IQSEC1: variants seen among roughly 807,000 people sequenced by gnomAD.
IQSEC1 encodes the protein IQ motif and SEC7 domain-containing protein 1.
In IQSEC1, 31 loss-of-function variants were observed where a neutral mutation model predicts 91.0. That is an observed-to-expected ratio of 0.34 (90% CI 0.26 to 0.46). IQSEC1 has a LOEUF of 0.46. IQSEC1 is among the 20% of genes least tolerant of loss of function. The probability of loss-of-function intolerance (pLI) is 1.00; values close to 1 mark genes in which losing one functional copy is unlikely to be tolerated. For missense variants in IQSEC1, 1,388 were observed against 1,575.6 expected, an observed-to-expected ratio of 0.88 and a Z score of 2.02; for synonymous variants, 699 against 662.6, an observed-to-expected ratio of 1.05 and a Z score of -0.84.
intron 3 of IQSEC1, among the ~76,000 whole-genome samples, chr3:12,928,683 T>C (rs1697376761): frequency 6.6e-6 from 1 of 152,244 alleles, no homozygotes; most frequent in Non-Finnish European, 1.5e-5. Flanking sequence ...GAATTCTCCA[T>C]CCACCTGTGC....
At chr3:12,902,649 A>G in intron 13 of IQSEC1, 124 bp downstream of exon 13, 1 of 610,972 alleles carries the variant, frequency 1.6e-6, no homozygotes, top group Non-Finnish European at 2.8e-6. Flanking sequence ...AAGCCAAAAA[A>G]AAAAACAACA....
chr3:13,011,005 G>A (rs1003632101), intron 1 of IQSEC1, among the ~76,000 whole-genome samples: 1 of 152,172 alleles, frequency 6.6e-6, no homozygotes, highest in Non-Finnish European at 1.5e-5. Flanking sequence ...CCACCACTCT[G>A]AGTGTCAGTG....
intron 1 of IQSEC1, among the ~76,000 whole-genome samples, chr3:13,270,239 G>A (rs1407763935): frequency 6.6e-6 from 1 of 152,182 alleles, no homozygotes; most frequent in East Asian, 1.9e-4. Flanking sequence ...ATAATAAAAT[G>A]GTGGTTGTTT....
At chr3:12,956,346 G>A (rs1311809872) in intron 1 of IQSEC1, among the ~76,000 whole-genome samples, 1 of 152,190 alleles carries the variant, frequency 6.6e-6, no homozygotes, top group African/African-American at 2.4e-5. Context: ...ACCTAATTTA[G>A]AACACCAATT....
chr3:13,101,166 C>G (rs186289519), intron 2 of IQSEC1, among the ~76,000 whole-genome samples: 1 of 152,178 alleles, frequency 6.6e-6, no homozygotes, highest in Non-Finnish European at 1.5e-5. Flanking sequence ...GACAGTGACA[C>G]GATGCGACTT....
chr3:13,207,536 C>A lies in IQSEC1; in HGVS notation c.273-43403G>T, dbSNP rs751132825. On this transcript the variant is annotated intron_variant, in intron 1 of 15. Coordinates refer to the IQSEC1 transcript ENST00000648114. This position sits in a 1 kb window ranked among gnomAD's most constrained non-coding sequence, Gnocchi z 4.8. ...TGCCAACGTGCCAGTGGGTTCCCTT[C>A]GTACTCCACGCCAGTTCCCATTCGC... 7.9e-5 allele frequency among the ~76,000 whole-genome samples: 12 copies of A among 152,178 alleles called. No individual in the cohort carries two copies. The highest frequency in any genetic ancestry group is 1.6e-4 in the Non-Finnish European group (11 of 68,038).
intron 1 of IQSEC1, among the ~76,000 whole-genome samples, chr3:13,263,465 G>GGGGGGGGGAA (rs1695429760): frequency 8.0e-6 from 1 of 125,246 alleles, no homozygotes; most frequent in Non-Finnish European, 1.7e-5. Flanking sequence ...TTTTTTTTTT[G>GGGGGGGGGAA]AGAGTCATGC....
intron 1 of IQSEC1, chr3:12,986,977 C>T (rs1701768577): frequency 2.3e-6 from 1 of 439,526 alleles, no homozygotes. Context: ...TTACCTTGGT[C>T]CAGTGCTGTG....
chr3:12,900,752 C>G lies in IQSEC1; in HGVS notation c.*231G>C, dbSNP rs1442768491. On this transcript the variant is annotated 3_prime_UTR_variant, in exon 14 of 14. Coordinates refer to ENST00000613206, the MANE Select transcript of IQSEC1 (RefSeq NM_001134382.3). ...GATGGTGTCTGAGGCCCACCCATCC[C>G]TCAGACTGAGGTGAGCAGAGCCCAG... 10 of 1,424,756 alleles carry G rather than the reference C, an allele frequency of 7.0e-6. No individual in the cohort carries two copies. Among genetic ancestry groups the G allele is most frequent in the Non-Finnish European group, 9.1e-6 (10 of 1,093,458 alleles). The allele number at this position is 1,424,756 out of a possible 1,614,324, so 88.3% of individuals were successfully genotyped here.
chr3:13,107,985 C>T (rs990275914), intron 2 of IQSEC1, among the ~76,000 whole-genome samples: 1 of 152,182 alleles, frequency 6.6e-6, no homozygotes, highest in African/African-American at 2.4e-5. Context: ...TGCTGCCACT[C>T]GTATCTTATG....
intron 1 of IQSEC1, among the ~76,000 whole-genome samples, chr3:13,005,272 G>T (rs539150412): frequency 3.3e-5 from 5 of 152,176 alleles, no homozygotes; most frequent in Non-Finnish European, 1.5e-5. Flanking sequence ...TTCACGGTGT[G>T]GGGGAAGGAT....
intron 1 of IQSEC1, among the ~76,000 whole-genome samples, chr3:12,946,537 C>T (rs1699194929): frequency 6.6e-6 from 1 of 152,174 alleles, no homozygotes. Flanking sequence ...AGGATGTCCA[C>T]AGCAGTGTTG....
intron 2 of IQSEC1, among the ~76,000 whole-genome samples, chr3:13,137,369 G>A (rs771194631): frequency 1.3e-5 from 2 of 152,206 alleles, no homozygotes; most frequent in Non-Finnish European, 2.9e-5. Context: ...AACTATGGCT[G>A]CACACAATAG....
intron 1 of IQSEC1, among the ~76,000 whole-genome samples, chr3:13,219,527 G>A (rs1477581661): frequency 2.0e-5 from 3 of 152,236 alleles, no homozygotes; most frequent in Non-Finnish European, 4.4e-5. Context: ...GCACCTCGCA[G>A]AGCGCTGCCT....
In IQSEC1 at chr3:12,967,810, C is replaced by A; in HGVS notation, c.24-25945G>T. On this transcript the variant is annotated intron_variant, in intron 1 of 13. Coordinates refer to ENST00000613206, the MANE Select transcript of IQSEC1 (RefSeq NM_001134382.3). The surrounding 1 kb of genome is among the most constrained non-coding windows in gnomAD (Gnocchi z 5.9). The stretch of plus-strand genomic sequence containing the variant: ...GGCGAGCTGGGGGCGGGGCTGCGCG[C>A]GGGGGCGAGACTGCACGGAGCGTGT... 4.2e-6 allele frequency: 2 copies of A among 477,880 alleles called. No individual in the cohort carries two copies. The highest frequency in any genetic ancestry group is 2.3e-5 in the African/African-American group (1 of 42,786). The allele number at this position is 477,880 out of a possible 1,614,324, so 29.6% of individuals were successfully genotyped here.
intron 2 of IQSEC1, among the ~76,000 whole-genome samples, chr3:13,110,513 C>T (rs530435305): frequency 2.0e-4 from 30 of 152,216 alleles, no homozygotes; most frequent in Non-Finnish European, 3.7e-4. Flanking sequence ...CGTTTGAACC[C>T]GGGAGGCCGA....
chr3:13,073,445 G>A (rs1705501910), upstream of IQSEC1, among the ~76,000 whole-genome samples: 1 of 152,120 alleles, frequency 6.6e-6, no homozygotes, highest in African/African-American at 2.4e-5. Flanking sequence ...AGGGGCGGGC[G>A]CGCCGGAGCC....
In IQSEC1 at chr3:13,137,624, A is replaced by G. The variant is rs115283072; in HGVS notation, c.302+26480T>C. 3.8e-3 allele frequency among the ~76,000 whole-genome samples: 572 copies of G among 152,326 alleles called. 9 individuals are homozygous for G. Among genetic ancestry groups the G allele is most frequent in the African/African-American group, 0.013 (541 of 41,578 alleles). Reference sequence around the variant, plus strand: ...TGGGAATGTTCCCCTTCTGGAGTTAAATGGTAGGCTCACAGATAATCATTA... The same window carrying G: ...TGGGAATGTTCCCCTTCTGGAGTTAGATGGTAGGCTCACAGATAATCATTA... On this transcript the variant is annotated intron_variant, in intron 2 of 15. Transcript: ENST00000648114.
In IQSEC1 at chr3:12,967,816, C is replaced by A. The variant is rs1441202509; in HGVS notation, c.24-25951G>T. The stretch of plus-strand genomic sequence containing the variant: ...CTGGGGGCGGGGCTGCGCGCGGGGG[C>A]GAGACTGCACGGAGCGTGTGGGGAA... On this transcript the variant is annotated intron_variant, in intron 1 of 13. Transcript: ENST00000613206. The surrounding 1 kb of genome is among the most constrained non-coding windows in gnomAD (Gnocchi z 5.9). 7.3e-6 allele frequency: 3 copies of A among 412,242 alleles called. No homozygotes were observed. The highest frequency in any genetic ancestry group is 9.7e-6 in the Non-Finnish European group (3 of 308,684). 25.5% of individuals were successfully genotyped at this position (412,242 alleles called of 1,614,324 possible). A position where few individuals can be genotyped will look rare whatever the true frequency, so the allele number is the denominator to read the frequency against.
Sources: allele counts gnomAD v4.1 joint callset (sites outside exome capture counted in the v4.1 genomes callset), GRCh38; gene constraint gnomAD v4.1.1; non-coding constraint Gnocchi (gnomAD v3.1); transcripts MANE v1.5; gene names NCBI Gene and HGNC (gene_info 2026-07-23, HGNC 2026-07-21).